C9orf43: variants seen among roughly 807,000 people sequenced by gnomAD.
C9orf43 encodes the protein uncharacterized protein C9orf43.
A neutral mutation model predicts 59.1 loss-of-function variants in C9orf43; 45 were observed. That is an observed-to-expected ratio of 0.76 (90% CI 0.60 to 0.98). The LOEUF (loss-of-function observed/expected upper bound fraction) is 0.98, where lower values mean the gene tolerates loss of function less well. Ranked by LOEUF, C9orf43 falls within the 50% of genes least tolerant of loss-of-function variation. C9orf43 has a pLI of 0.00. For synonymous variants in C9orf43, 203 were observed against 196.8 expected, an observed-to-expected ratio of 1.03 and a Z score of -0.26; for missense variants, 533 against 554.9, an observed-to-expected ratio of 0.96 and a Z score of 0.40.
chr9:113,417,559 C>T (rs1424346462), intron 3 of C9orf43, among the ~76,000 whole-genome samples: 2 of 152,126 alleles, frequency 1.3e-5, no homozygotes, highest in African/African-American at 2.4e-5. Flanking sequence ...GAGAGGACCG[C>T]CCCCTGGTGT....
chr9:113,423,026 C>T (rs1415675318), intron 6 of C9orf43, among the ~76,000 whole-genome samples: 2 of 152,164 alleles, frequency 1.3e-5, no homozygotes, highest in Non-Finnish European at 2.9e-5. Flanking sequence ...ATTGCTGAAT[C>T]CCCATCCCTA....
chr9:113,423,540 T>C (rs1828671379), intron 7 of C9orf43, 42 bp downstream of exon 7: 1 of 1,582,976 alleles, frequency 6.3e-7, no homozygotes. Context: ...GAGCACCTGC[T>C]TTTTACTGAA....
chr9:113,420,610 A>C, intron 4 of C9orf43: 4 of 208,710 alleles, frequency 1.9e-5, no homozygotes, highest in Non-Finnish European at 3.3e-5. Context: ...ACTATGTTCT[A>C]GGATCCTAAA....
intron 3 of C9orf43, among the ~76,000 whole-genome samples, chr9:113,414,378 G>C (rs781536755): frequency 6.6e-6 from 1 of 151,794 alleles, no homozygotes; most frequent in Admixed American, 6.6e-5. Context: ...GGGCTCAAGC[G>C]ATCCTCCCAC....
chr9:113,422,202 A>G (rs989747035), intron 5 of C9orf43, among the ~76,000 whole-genome samples: 7 of 152,236 alleles, frequency 4.6e-5, no homozygotes, highest in African/African-American at 1.7e-4. Context: ...GAGCCTTGTC[A>G]GGGGGAGTCA....
chr9:113,414,711 T>TA (rs1468337639), intron 3 of C9orf43, among the ~76,000 whole-genome samples: 1 of 152,154 alleles, frequency 6.6e-6, no homozygotes, highest in African/African-American at 2.4e-5. Context: ...AATAACTTTT[T>TA]AAAAAACCAT....
At chr9:113,414,331 A>C (rs999565134) in intron 3 of C9orf43, among the ~76,000 whole-genome samples, 1 of 151,980 alleles carries the variant, frequency 6.6e-6, no homozygotes, top group African/African-American at 2.4e-5. Context: ...CTAGAGTGCA[A>C]TGGTGCGATC....
At chr9:113,425,912 T>C (rs202152540) in intron 11 of C9orf43, among the ~76,000 whole-genome samples, 182 bp downstream of exon 11, 1 of 152,160 alleles carries the variant, frequency 6.6e-6, no homozygotes, top group East Asian at 1.9e-4. Context: ...ATAAATTTGC[T>C]AAACAAACAA....
rs766500320 is a variant in C9orf43, at chr9:113,424,273, T to C, written c.764T>C (p.Ile255Thr). ...PLEKNRPDSVISSKMFLSIHR... is the reference protein window; with the variant it reads ...PLEKNRPDSVTSSKMFLSIHR... ...GAAAAGAACCGACCTGACAGTGTGA[T>C]TTCTTCTAAGATGTTTCTATCTATA... The change falls in exon 8 of 14, where the codon ATT (isoleucine) becomes ACT (threonine). Residue 255 changes from isoleucine to threonine, a missense_variant. Coordinates refer to ENST00000374165, the MANE Select transcript of C9orf43 (RefSeq NM_001278629.2). 4 of 1,613,946 alleles carry C rather than the reference T, an allele frequency of 2.5e-6. No individual in the cohort carries two copies. The East Asian group carries it at 8.9e-5, about 36-fold the overall frequency.
intron 13 of C9orf43, 34 bp from the exon 14 acceptor site, chr9:113,429,138 T>G (rs748926822): frequency 1.3e-6 from 2 of 1,598,618 alleles, no homozygotes; most frequent in East Asian, 4.5e-5. Flanking sequence ...GAGAGGAGTT[T>G]ACAGGTGCAA....
chr9:113,428,961 A>G lies in C9orf43; in HGVS notation c.1169A>G (p.Lys390Arg), dbSNP rs1564419718. Residue 390 changes from lysine to arginine, a missense_variant and splice_region_variant, in exon 13 of 14, where the codon AAA becomes AGA. Lys to Arg is a conservative substitution (Grantham distance 26, BLOSUM62 2). Coordinates refer to ENST00000374165, the MANE Select transcript of C9orf43 (RefSeq NM_001278629.2). ...CATGCGGATTTCCACCACAGTGTAA[A>G]AAGTAAGTTACTAGAGTAGAGGAAC... Reference protein sequence around the residue: ...YDHADFHHSVKSPELYETEPT... With the variant: ...YDHADFHHSVRSPELYETEPT... 2 of 1,613,318 alleles carry G rather than the reference A, an allele frequency of 1.2e-6. No homozygotes were observed. Among genetic ancestry groups the G allele is most frequent in the Non-Finnish European group, 1.7e-6 (2 of 1,179,222 alleles).
Position 113,410,809 on chromosome 9 carries a change from C to T in C9orf43, c.-242C>T. 5.0e-6 allele frequency: 2 copies of T among 398,986 alleles called. No individual in the cohort carries two copies. Among genetic ancestry groups the T allele is most frequent in the Non-Finnish European group, 6.9e-6 (2 of 288,342 alleles). 24.7% of individuals were successfully genotyped at this position (398,986 alleles called of 1,614,324 possible). A position where few individuals can be genotyped will look rare whatever the true frequency, so the allele number is the denominator to read the frequency against. ...AATCTCACCGCGCCGCAAGGGGCCA[C>T]GTTTTACCACTTGATTTAGCAACCC... is the stretch of plus-strand genomic sequence containing the variant. On this transcript the variant is annotated 5_prime_UTR_variant, in exon 1 of 14. It adds an upstream start codon to the 5' untranslated region. Coordinates refer to ENST00000374165, the MANE Select transcript of C9orf43 (RefSeq NM_001278629.2).
chr9:113,425,279 G>A, intron 9 of C9orf43, 65 bp from the exon 10 acceptor site: 1 of 1,600,576 alleles, frequency 6.2e-7, no homozygotes, highest in South Asian at 1.1e-5. Flanking sequence ...GGAAGGCACA[G>A]CAGGCATTCC....
At chr9:113,414,609 C>T (rs990550882) in intron 3 of C9orf43, among the ~76,000 whole-genome samples, 6 of 152,128 alleles carry the variant, frequency 3.9e-5, no homozygotes, top group Non-Finnish European at 8.8e-5. Flanking sequence ...TTAACATGGT[C>T]TTCCCTCTGT....
chr9:113,420,905 TA>T lies in C9orf43; in HGVS notation c.346-197del, dbSNP rs372276557. ...GCAGGGGAGATTATCTGCTTATTAA[TA>T]CTCACTCTTGCAGATACCTATACTG... On this transcript the variant is annotated intron_variant, in intron 4 of 13. Coordinates refer to ENST00000374165, the MANE Select transcript of C9orf43 (RefSeq NM_001278629.2). 1.2e-3 allele frequency: 568 copies of T among 490,924 alleles called. 3 individuals are homozygous for T. The highest frequency in any genetic ancestry group is 0.011 in the African/African-American group (540 of 47,678). The allele number at this position is 490,924 out of a possible 1,614,324, so 30.4% of individuals were successfully genotyped here.
chr9:113,420,966 A>G (rs147478325), intron 4 of C9orf43, 137 bp from the exon 5 acceptor site: 12,275 of 844,486 alleles, frequency 0.015, 127 homozygotes, highest in Non-Finnish European at 0.018. Context: ...TTTTGGGAGA[A>G]TATTATGAAG....
intron 3 of C9orf43, among the ~76,000 whole-genome samples, chr9:113,416,812 T>TAC (rs1828375784): frequency 6.6e-6 from 1 of 152,224 alleles, no homozygotes; most frequent in African/African-American, 2.4e-5. Context: ...ATACTAATAG[T>TAC]ACCCTACCTC....
Position 113,424,236 on chromosome 9 carries a change from A to AATC in C9orf43, c.728_730dup (p.Asn243_Leu244insHis). ...GATAAAATTGGCCATGATGAAAAAG[A>AATC]ATCTTCCCTTGGAAAAGAACCGACC... On this transcript the variant is annotated inframe_insertion, in exon 8 of 14. Transcript: ENST00000374165. 1 of 1,614,116 alleles carries AATC rather than the reference A, an allele frequency of 6.2e-7. No homozygotes were observed. Among genetic ancestry groups the AATC allele is most frequent in the Non-Finnish European group, 8.5e-7 (1 of 1,179,976 alleles).
At chr9:113,413,916 C>T in intron 3 of C9orf43, 22 bp downstream of exon 3, 1 of 1,596,846 alleles carries the variant, frequency 6.3e-7, no homozygotes, top group East Asian at 2.2e-5. Context: ...TGGAATCTTC[C>T]TTTACAGCCT....
Sources: gnomAD v4.1 joint callset for allele counts (sites outside exome capture counted in the v4.1 genomes callset) on GRCh38, gnomAD v4.1.1 for gene constraint, MANE v1.5 for transcripts, NCBI Gene and HGNC (gene_info 2026-07-23, HGNC 2026-07-21) for gene names.